The following VWA5B1 variants were observed in gnomAD, a reference collection of about 807,000 sequenced individuals.
VWA5B1 encodes von Willebrand factor A domain-containing protein 5B1.
Under a neutral mutation model 118.2 loss-of-function variants are expected in VWA5B1, and 115 were observed. The observed-to-expected ratio is 0.97, with a 90% CI of 0.84 to 1.14. VWA5B1 has a LOEUF of 1.14. Ranked by LOEUF, VWA5B1 falls within the 50% of genes most tolerant of loss-of-function variation. The probability of loss-of-function intolerance (pLI) is 0.00; values close to 1 mark genes in which losing one functional copy is unlikely to be tolerated. For synonymous variants in VWA5B1, 682 were observed against 658.4 expected, an observed-to-expected ratio of 1.04 and a Z score of -0.55; for missense variants, 1,596 against 1,603.8, an observed-to-expected ratio of 1.00 and a Z score of 0.08.
At chr1:20,296,457 G>A (rs1205352515) in intron 1 of VWA5B1, among the ~76,000 whole-genome samples, 1 of 152,246 alleles carries the variant, frequency 6.6e-6, no homozygotes, top group Non-Finnish European at 1.5e-5. Flanking sequence ...ATAGATAAAT[G>A]AGAACCTGGC....
chr1:20,299,011 C>T (rs1260195269), intron 1 of VWA5B1, among the ~76,000 whole-genome samples: 1 of 152,114 alleles, frequency 6.6e-6, no homozygotes, highest in African/African-American at 2.4e-5. Flanking sequence ...TTTTACTAAC[C>T]TCTCTTATGT....
chr1:20,314,250 T>C (rs2088933126), intron 3 of VWA5B1, 72 bp from the exon 4 acceptor site: 1 of 1,480,972 alleles, frequency 6.8e-7, no homozygotes, highest in Admixed American at 2.0e-5. Flanking sequence ...CACTCACACT[T>C]ACCACAACAG....
At position 20,319,345 on chromosome 1, in the gene VWA5B1, C is replaced by T. The variant is rs190078487; in HGVS notation, c.842-37C>T. The T allele has an allele frequency of 4.8e-5, 75 of 1,547,952 alleles. No homozygotes were observed. The African/African-American group carries it at 8.8e-4, about 18-fold the overall frequency. ...CCCCCAGCATCCTTCTCCTACGATA[C>T]CTGGCCAAGTGCTGAAAGTCGATCT... On this transcript the variant is annotated intron_variant, in intron 6 of 21. Coordinates refer to ENST00000289815, the MANE Select transcript of VWA5B1 (RefSeq NM_001039500.3).
At chr1:20,340,215 A>G (rs572582015) in intron 14 of VWA5B1, among the ~76,000 whole-genome samples, 2 of 151,332 alleles carry the variant, frequency 1.3e-5, no homozygotes, top group Non-Finnish European at 2.9e-5. Context: ...ACACACACAC[A>G]CACACTCCAT....
chr1:20,319,266 C>G, intron 6 of VWA5B1, 116 bp from the exon 7 acceptor site: 1 of 1,435,060 alleles, frequency 7.0e-7, no homozygotes, highest in Non-Finnish European at 9.3e-7. Context: ...GGGCTTCCAC[C>G]CCGCTTCCAA....
chr1:20,354,307 A>T lies in VWA5B1; in HGVS notation c.*44A>T. On this transcript the variant is annotated 3_prime_UTR_variant, in exon 22 of 22. Coordinates refer to ENST00000289815, the MANE Select transcript of VWA5B1 (RefSeq NM_001039500.3). ...GGGTGGAGGGAAGGGTGGGGAGGAG[A>T]GGGATGGGCAGGGCCATGTCGGCCT... The T allele has an allele frequency of 2.8e-6, 4 of 1,431,050 alleles. No homozygotes were observed. Among genetic ancestry groups the T allele is most frequent in the Non-Finnish European group, 2.8e-6 (3 of 1,060,068 alleles). 88.6% of individuals were successfully genotyped at this position (1,431,050 alleles called of 1,614,324 possible).
chr1:20,295,951 C>T (rs1196344920), intron 1 of VWA5B1, among the ~76,000 whole-genome samples: 4 of 152,184 alleles, frequency 2.6e-5, no homozygotes, highest in African/African-American at 9.7e-5. Flanking sequence ...CAACCTCCGC[C>T]TCCTAGGTTC....
Position 20,350,147 on chromosome 1 carries a change from C to G in VWA5B1, c.2879-9C>G. Reference sequence around the variant, plus strand: ...GAGAGGTCCAGCCTCACTGGCTCCTCTGTCCTAGACATGGAGGCAAGTCCC... The same window carrying G: ...GAGAGGTCCAGCCTCACTGGCTCCTGTGTCCTAGACATGGAGGCAAGTCCC... On this transcript the variant is annotated splice_polypyrimidine_tract_variant and intron_variant, in intron 18 of 21. Transcript: ENST00000289815. The G allele has an allele frequency of 6.4e-7, 1 of 1,551,044 alleles. No homozygotes were observed. The highest frequency in any genetic ancestry group is 8.7e-7 in the Non-Finnish European group (1 of 1,146,772).
intron 12 of VWA5B1, among the ~76,000 whole-genome samples, chr1:20,333,862 TTG>T (rs1292019189): frequency 2.0e-5 from 3 of 152,198 alleles, no homozygotes; most frequent in Non-Finnish European, 4.4e-5. Flanking sequence ...TCATCTTGTT[TTG>T]TTTTTCAAAA....
rs60663055 is a variant in VWA5B1 at position 20,332,653 on chromosome 1, C to T, written c.1573-113C>T. On this transcript the variant is annotated intron_variant, in intron 11 of 21. Transcript: ENST00000289815. The stretch of plus-strand genomic sequence containing the variant: ...CAGTGCTAGGCAAGTCACCACAAGG[C>T]CTACTGTCCCCTCTTCCCTGCTCCC... 5,437 of 1,147,600 alleles carry T rather than the reference C, an allele frequency of 4.7e-3. 159 individuals carry two copies. The African/African-American group carries it at 0.067, about 14-fold the overall frequency. The allele number at this position is 1,147,600 out of a possible 1,614,324, so 71.1% of individuals were successfully genotyped here.
chr1:20,319,538 G>A lies in VWA5B1; in HGVS notation c.966+32G>A, dbSNP rs1342387780. 4 of 1,550,236 alleles carry A rather than the reference G, an allele frequency of 2.6e-6. No homozygotes were observed. In the South Asian group the frequency reaches 4.8e-5, roughly 18 times the overall value. ...GCAACTGAGGTGGGGAGCGGACGGT[G>A]GCAGAGTTGGGGTGGCGCTGAGGCC... On this transcript the variant is annotated intron_variant, in intron 7 of 21. Transcript: ENST00000289815.
At chr1:20,291,178 A>G (rs3925434) in intron 1 of VWA5B1, 90 bp downstream of exon 1, 73,623 of 127,308 alleles carry the variant, frequency 0.58, 18,923 homozygotes, top group East Asian at 0.92. Context: ...GTGTGTGTGT[A>G]TGTGTGTGTG....
intron 1 of VWA5B1, 77 bp downstream of exon 1, chr1:20,291,165 A>AGTGT (rs71585753): frequency 0.035 from 4,734 of 134,908 alleles, 117 homozygotes; most frequent in African/African-American, 0.07. Flanking sequence ...GGCATGCATG[A>AGTGT]GTGTGTGTGT....
chr1:20,298,124 C>T (rs577159392), intron 1 of VWA5B1, among the ~76,000 whole-genome samples: 84 of 151,696 alleles, frequency 5.5e-4, no homozygotes, highest in Non-Finnish European at 1.0e-3. Context: ...AATTCTCCTA[C>T]CTCAGCCTCC....
intron 1 of VWA5B1, among the ~76,000 whole-genome samples, chr1:20,296,157 C>T (rs981018019): frequency 2.0e-5 from 3 of 152,194 alleles, no homozygotes; most frequent in Admixed American, 6.5e-5. Flanking sequence ...GCCACCATGC[C>T]CGGCCAAGGT....
intron 8 of VWA5B1, among the ~76,000 whole-genome samples, chr1:20,324,183 G>A (rs2100897606): frequency 6.6e-6 from 1 of 152,306 alleles, no homozygotes; most frequent in African/African-American, 2.4e-5. Context: ...TGGCCATCTG[G>A]AAAAACAGCA....
chr1:20,304,972 G>A lies in VWA5B1; in HGVS notation c.-26-5604G>A, dbSNP rs1385326316. On this transcript the variant is annotated intron_variant, in intron 1 of 21. Coordinates refer to ENST00000289815, the MANE Select transcript of VWA5B1 (RefSeq NM_001039500.3). The stretch of plus-strand genomic sequence containing the variant: ...CACTCAGTGGTATTTCATCCATTCA[G>A]CAAATACTTATTGAGCATCTGCTAT... Among the ~76,000 whole-genome samples, 3 of 151,926 alleles carry A rather than the reference G, an allele frequency of 2.0e-5. No individual in the cohort carries two copies. The South Asian group carries it at 6.3e-4, about 32-fold the overall frequency.
intron 14 of VWA5B1, chr1:20,338,833 T>A (rs531051303): frequency 6.6e-6 from 1 of 152,134 alleles, no homozygotes; most frequent in Non-Finnish European, 1.5e-5. Context: ...CCTGGCCTGA[T>A]TTTTGTATTT....
In VWA5B1 at chr1:20,342,578, G is replaced by C; in HGVS notation, c.2280G>C (p.Arg760=). The C allele has an allele frequency of 2.6e-6, 4 of 1,512,366 alleles. No homozygotes were observed. The highest frequency in any genetic ancestry group is 3.5e-6 in the Non-Finnish European group (4 of 1,130,720). 93.7% of individuals were successfully genotyped at this position (1,512,366 alleles called of 1,614,324 possible). A position where few individuals can be genotyped will look rare whatever the true frequency, so the allele number is the denominator to read the frequency against. Residue 760 remains arginine, a synonymous_variant, in exon 15 of 22, where the codon CGG becomes CGC. Transcript: ENST00000289815. ...ETQAWSPVRE[R]TSDSRSPGDL... ...AGGCCTGGAGCCCTGTGAGAGAGCG[G>C]ACTTCTGACAGCCGAAGCCCTGGAG...
Sources: allele counts gnomAD v4.1 joint callset (sites outside exome capture counted in the v4.1 genomes callset), GRCh38; gene constraint gnomAD v4.1.1; transcripts MANE v1.5; gene names NCBI Gene and HGNC (gene_info 2026-07-23, HGNC 2026-07-21).